The following RALGAPA1 variants were observed in gnomAD, a reference collection of about 807,000 sequenced individuals.
RALGAPA1 encodes Ral GTPase activating protein catalytic subunit alpha 1.
RALGAPA1 carries 52 observed loss-of-function variants against 269.6 expected under a neutral mutation model. The ratio of observed to expected loss-of-function variants is 0.19; its 90% CI spans 0.15 to 0.24. The LOEUF is 0.24. RALGAPA1 is among the 10% of genes least tolerant of loss of function. The pLI, the probability that RALGAPA1 is intolerant of heterozygous loss-of-function variation, is 1.00. For missense variants in RALGAPA1, 1,917 were observed against 3,013.9 expected (o/e 0.64, Z 8.52); for synonymous variants, 817 against 1,008.3 (o/e 0.81, Z 3.60).
rs759000651 is a variant in RALGAPA1 at position 35,762,695 on chromosome 14, T to C, written c.369+15A>G. 2 of 1,464,948 alleles carry C rather than the reference T, an allele frequency of 1.4e-6. No individual in the cohort carries two copies. The highest frequency in any genetic ancestry group is 2.3e-5 in the South Asian group (2 of 87,952). The allele number at this position is 1,464,948 out of a possible 1,614,324, so 90.7% of individuals were successfully genotyped here. On this transcript the variant is annotated intron_variant, in intron 5 of 41. Coordinates refer to ENST00000680220, the MANE Select transcript of RALGAPA1 (RefSeq NM_001346249.2). ...TCAGTATTTTTAAAGTCATGGAAAG[T>C]AAACATAGTTGTACCTTTAAGGAGT... is the stretch of plus-strand genomic sequence containing the variant.
Position 35,750,579 on chromosome 14 carries a change from A to G in RALGAPA1, c.914T>C (p.Val305Ala), listed in dbSNP as rs1357898156. 1 of 1,613,028 alleles carries G rather than the reference A, an allele frequency of 6.2e-7. No individual in the cohort carries two copies. Among genetic ancestry groups the G allele is most frequent in the Non-Finnish European group, 8.5e-7 (1 of 1,179,364 alleles). ...CCAGAAAGAAACCAGCCAACGAATG[A>G]CAATAACACGAGCCTTAATGAAAGG... is the stretch of plus-strand genomic sequence containing the variant. ...KEPFIKARVI[V>A]IRWLVSFWLE... The change falls in exon 9 of 42, where the codon GTC (valine) becomes GCC (alanine). Residue 305 changes from valine (V) to alanine (A), a missense_variant. By Grantham distance (64) the Val-to-Ala change is moderately conservative (BLOSUM62 0). Around this residue, in one of 11 missense-constraint regions of RALGAPA1, gnomAD observed 462 missense variants for 725.6 expected, o/e 0.64. Transcript: ENST00000680220.
At position 35,771,054 on chromosome 14, in the gene RALGAPA1, C is replaced by A; in HGVS notation, c.268-55G>T. 5.6e-6 allele frequency: 4 copies of A among 718,150 alleles called. No individual in the cohort carries two copies. The South Asian group carries it at 7.5e-5, about 14-fold the overall frequency. 44.5% of individuals were successfully genotyped at this position (718,150 alleles called of 1,614,324 possible). A position where few individuals can be genotyped will look rare whatever the true frequency, so the allele number is the denominator to read the frequency against. On this transcript the variant is annotated intron_variant, in intron 3 of 41. Transcript: ENST00000680220. The stretch of plus-strand genomic sequence containing the variant: ...AAAGAATAAAACCAAGTAATGAGTT[C>A]ACATCCTGCAAAATGTGAAAAATTA...
chr14:35,608,614 T>C (rs1331455507), intron 35 of RALGAPA1, among the ~76,000 whole-genome samples: 3 of 152,212 alleles, frequency 2.0e-5, no homozygotes, highest in Non-Finnish European at 4.4e-5. Context: ...TATTTCATAA[T>C]GATACAATGT....
rs372283807 is a variant in RALGAPA1, at chr14:35,760,847, G to A, written c.529C>T (p.Pro177Ser). The change falls in exon 6 of 42, where the codon CCA (proline) becomes TCA (serine). Residue 177 changes from proline to serine, a missense_variant. Around this residue, in one of 11 missense-constraint regions of RALGAPA1, gnomAD observed 462 missense variants for 725.6 expected, o/e 0.64. Transcript: ENST00000680220. ...PRTLDNLINP[P>S]LNLQETQVTI... ...ATCTTACTTTCTTGAAGGTTGAGTG[G>A]AGGATTAATGAGATTATCTAAAGTT... is the stretch of plus-strand genomic sequence containing the variant. 113 of 1,610,848 alleles carry A rather than the reference G, an allele frequency of 7.0e-5. 1 individual carries two copies. In the South Asian group the frequency reaches 9.5e-4, roughly 14 times the overall value.
rs575035842 is a variant in RALGAPA1, at chr14:35,773,924, A to G, written c.267+1082T>C. 2.0e-5 allele frequency among the ~76,000 whole-genome samples: 3 copies of G among 151,962 alleles called. No individual in the cohort carries two copies. In the South Asian group the frequency reaches 6.2e-4, roughly 32 times the overall value. On this transcript the variant is annotated intron_variant, in intron 3 of 41. Coordinates refer to ENST00000680220, the MANE Select transcript of RALGAPA1 (RefSeq NM_001346249.2). ...AGAGTGAATTATTATTATTATTATTATTATTATTTTTGAGACAGGGTCTCA... is the reference window on the plus strand; with the variant it reads ...AGAGTGAATTATTATTATTATTATTGTTATTATTTTTGAGACAGGGTCTCA...
chr14:35,705,893 T>A (rs1354024766), intron 16 of RALGAPA1, among the ~76,000 whole-genome samples: 1 of 152,250 alleles, frequency 6.6e-6, no homozygotes, highest in Non-Finnish European at 1.5e-5. Context: ...AATAGTCTAA[T>A]GACATACGAT....
Position 35,627,968 on chromosome 14 carries a change from T to G in RALGAPA1, c.5996-17A>C, listed in dbSNP as rs775634262. 1 of 1,539,618 alleles carries G rather than the reference T, an allele frequency of 6.5e-7. No homozygotes were observed. Among genetic ancestry groups the G allele is most frequent in the East Asian group, 2.3e-5 (1 of 44,188 alleles). ...GAGTTTTCACTGGAAATAAAAAATA[T>G]AAATGAATGGGAATATTGCTGCTTC... On this transcript the variant is annotated splice_polypyrimidine_tract_variant and intron_variant, in intron 33 of 41. Transcript: ENST00000680220.
At chr14:35,787,086 TCATAA>T (rs1387377473) in intron 1 of RALGAPA1, among the ~76,000 whole-genome samples, 4 of 152,354 alleles carry the variant, frequency 2.6e-5, no homozygotes, top group South Asian at 4.1e-4. Flanking sequence ...TCTCTTATAC[TCATAA>T]CATGTTTCAT....
At chr14:35,575,594 T>C (rs1245249187) in intron 37 of RALGAPA1, among the ~76,000 whole-genome samples, 1 of 152,098 alleles carries the variant, frequency 6.6e-6, no homozygotes, top group East Asian at 1.9e-4. Context: ...ATCAACCCAT[T>C]TCTTATTTAT....
chr14:35,723,005 C>T, intron 15 of RALGAPA1, 22 bp downstream of exon 15: 1 of 1,443,142 alleles, frequency 6.9e-7, no homozygotes, highest in Non-Finnish European at 9.7e-7. Flanking sequence ...TTATATAGAG[C>T]ATCTCTATGA....
At chr14:35,596,019 G>A (rs1365836163) in intron 36 of RALGAPA1, among the ~76,000 whole-genome samples, 1 of 152,038 alleles carries the variant, frequency 6.6e-6, no homozygotes, top group East Asian at 1.9e-4. Flanking sequence ...CAACTGCTGT[G>A]TACTATGCAT....
intron 31 of RALGAPA1, among the ~76,000 whole-genome samples, chr14:35,645,817 C>T (rs529903788): frequency 9.2e-4 from 139 of 151,400 alleles, no homozygotes; most frequent in African/African-American, 3.2e-3. Flanking sequence ...TGCCACTTAA[C>T]GGAAGCAGGG....
In RALGAPA1 at chr14:35,775,649, C is replaced by A; in HGVS notation, c.203G>T (p.Ser68Ile). 1 of 1,569,170 alleles carries A rather than the reference C, an allele frequency of 6.4e-7. No homozygotes were observed. The highest frequency in any genetic ancestry group is 8.6e-7 in the Non-Finnish European group (1 of 1,166,490). Residue 68 changes from serine (S) to isoleucine (I), a missense_variant, in exon 2 of 42, where the codon AGT (serine) becomes ATT (isoleucine). This residue lies in a region of RALGAPA1 where 462 missense variants were observed against 725.6 expected (regional missense o/e 0.64). Transcript: ENST00000680220. Reference sequence around the variant, plus strand: ...TAGCATCTTACCTTTCTGTTTAAGACTAGCTTCAATAGTCACAAAATTTTC... The same window carrying A: ...TAGCATCTTACCTTTCTGTTTAAGAATAGCTTCAATAGTCACAAAATTTTC... ...FFENFVTIEA[S>I]LKQKGHKSQR...
intron 37 of RALGAPA1, among the ~76,000 whole-genome samples, chr14:35,586,322 T>C (rs1198532500): frequency 6.6e-6 from 1 of 152,314 alleles, no homozygotes; most frequent in East Asian, 1.9e-4. Context: ...TTTGCCGAAG[T>C]TGCTTGTCAG....
chr14:35,655,736 C>T (rs2063135058), intron 29 of RALGAPA1, 71 bp downstream of exon 29: 3 of 1,539,406 alleles, frequency 1.9e-6, no homozygotes, highest in South Asian at 2.5e-5. Context: ...CACAAGATAC[C>T]ATTAATATTT....
intron 26 of RALGAPA1, among the ~76,000 whole-genome samples, chr14:35,668,351 C>T (rs945656445): frequency 5.9e-5 from 9 of 152,050 alleles, no homozygotes; most frequent in African/African-American, 1.2e-4. Flanking sequence ...GGCATGATGG[C>T]GCGGGCCTGT....
At chr14:35,725,894 G>A (rs1407859825) in intron 13 of RALGAPA1, among the ~76,000 whole-genome samples, 1 of 151,980 alleles carries the variant, frequency 6.6e-6, no homozygotes, top group Non-Finnish European at 1.5e-5. Context: ...TTTTTTGTCT[G>A]TACTGCAAGT....
In RALGAPA1 at chr14:35,539,496, C is replaced by T. The variant is rs766740429; in HGVS notation, c.*218G>A. On this transcript the variant is annotated 3_prime_UTR_variant, in exon 42 of 42. Transcript: ENST00000680220. The stretch of plus-strand genomic sequence containing the variant: ...GGCCTGAAAGGGTTAACCCTATGTT[C>T]GTGCTAAGGTGGCTACTGCTGATCA... 6.9e-6 allele frequency: 11 copies of T among 1,592,416 alleles called. No homozygotes were observed. Among genetic ancestry groups the T allele is most frequent in the Admixed American group, 3.4e-5 (2 of 58,340 alleles).
At chr14:35,732,132 A>T (rs770400895) in intron 12 of RALGAPA1, among the ~76,000 whole-genome samples, 1 of 152,282 alleles carries the variant, frequency 6.6e-6, no homozygotes, top group Non-Finnish European at 1.5e-5. Flanking sequence ...TATCCAGCAA[A>T]ACTAAGCATC....
Sources: allele counts gnomAD v4.1 joint callset (sites outside exome capture counted in the v4.1 genomes callset), GRCh38; gene constraint gnomAD v4.1.1; regional missense constraint gnomAD v4.1.1; transcripts MANE v1.5; gene names NCBI Gene and HGNC (gene_info 2026-07-23, HGNC 2026-07-21).